Variants in HAPLN1 observed in about 807,000 individuals in gnomAD.
The protein encoded by HAPLN1 is hyaluronan and proteoglycan link protein 1.
A neutral mutation model predicts 36.5 loss-of-function variants in HAPLN1; 13 were observed. The observed-to-expected ratio is 0.36, with a 90% confidence interval of 0.23 to 0.57. The LOEUF (loss-of-function observed/expected upper bound fraction) is 0.57. Among genes scored for constraint, HAPLN1 ranks in the 20% least tolerant of loss-of-function variants. HAPLN1 has a pLI of 0.83. For synonymous variants in HAPLN1, 202 were observed against 169.8 expected, an observed-to-expected ratio of 1.19 and a Z score of -1.48; for missense variants, 407 against 439.7, an observed-to-expected ratio of 0.93 and a Z score of 0.66.
At chr5:83,717,953 C>A (rs1463938557) in intron 1 of HAPLN1, among the ~76,000 whole-genome samples, 1 of 152,122 alleles carries the variant, frequency 6.6e-6, no homozygotes, top group Non-Finnish European at 1.5e-5. Context: ...TGTGTGGTAA[C>A]CTTTTAAGCT....
intron 3 of HAPLN1, among the ~76,000 whole-genome samples, chr5:83,651,677 A>C (rs1750066895): frequency 6.6e-6 from 1 of 152,186 alleles, no homozygotes; most frequent in Non-Finnish European, 1.5e-5. Flanking sequence ...CATTCTCTCA[A>C]TGCTGCCAAA....
At chr5:83,720,575 A>G (rs1751996295) in intron 1 of HAPLN1, among the ~76,000 whole-genome samples, 1 of 152,248 alleles carries the variant, frequency 6.6e-6, no homozygotes, top group Non-Finnish European at 1.5e-5. Flanking sequence ...CCATTTTTAG[A>G]CTGAGCCTGT....
chr5:83,714,833 G>A (rs1751881161), intron 1 of HAPLN1, among the ~76,000 whole-genome samples: 1 of 152,220 alleles, frequency 6.6e-6, no homozygotes, highest in Admixed American at 6.5e-5. Context: ...CACAGTTGAA[G>A]CACTGTCATG....
rs1179742664 is a variant in HAPLN1 at position 83,641,728 on chromosome 5, G to A, written c.833C>T (p.Ala278Val). The change falls in exon 5 of 5, where the codon GCT (alanine) becomes GTT (valine). Residue 278 changes from alanine (A) to valine (V), a missense_variant. Ala to Val is a moderately conservative substitution (Grantham distance 64). Coordinates refer to ENST00000274341, the MANE Select transcript of HAPLN1 (RefSeq NM_001884.4). Reference sequence around the variant, plus strand: ...AATCTGAGCACCATCATTGAGACAAGCTTGCACCGCTTCATCATAGGTCAG... The same window carrying A: ...AATCTGAGCACCATCATTGAGACAAACTTGCACCGCTTCATCATAGGTCAG... Reference protein sequence around the residue: ...TKLTYDEAVQACLNDGAQIAK... With the variant: ...TKLTYDEAVQVCLNDGAQIAK... 3.7e-6 allele frequency: 6 copies of A among 1,614,046 alleles called. No individual in the cohort carries two copies. In the African/African-American group the frequency reaches 8.0e-5, roughly 22 times the overall value.
Position 83,690,707 on chromosome 5 carries a change from T to A in HAPLN1, c.-26-17158A>T, listed in dbSNP as rs149156504. 2.4e-3 allele frequency among the ~76,000 whole-genome samples: 358 copies of A among 152,058 alleles called. 3 individuals are homozygous for A. The highest frequency in any genetic ancestry group is 8.0e-3 in the African/African-American group (334 of 41,546). ...TTGCGCACCCCTGATTTTCTCTTCC[T>A]TAGGGAAAAAAATATCTGACATAAT... is the stretch of plus-strand genomic sequence containing the variant. On this transcript the variant is annotated intron_variant, in intron 1 of 4. Transcript: ENST00000274341.
chr5:83,707,444 T>C (rs1179452725), intron 1 of HAPLN1, among the ~76,000 whole-genome samples: 1 of 152,128 alleles, frequency 6.6e-6, no homozygotes, highest in Non-Finnish European at 1.5e-5. Flanking sequence ...CCTATGACCG[T>C]CTGATCTTTG....
intron 1 of HAPLN1, among the ~76,000 whole-genome samples, chr5:83,685,234 G>A (rs888003778): frequency 2.0e-5 from 3 of 152,194 alleles, no homozygotes; most frequent in Non-Finnish European, 2.9e-5. Context: ...TAGAATGCAA[G>A]CTCCAGGAGG....
rs1749800867 is a variant in HAPLN1 at position 83,644,604 on chromosome 5, C to T, written c.534G>A (p.Gln178=). The T allele has an allele frequency of 2.0e-6, 3 of 1,525,614 alleles. No individual in the cohort carries two copies. Among genetic ancestry groups the T allele is most frequent in the South Asian group, 2.5e-5 (2 of 78,742 alleles). The allele number at this position is 1,525,614 out of a possible 1,614,324, so 94.5% of individuals were successfully genotyped here. A position where few individuals can be genotyped will look rare whatever the true frequency, so the allele number is the denominator to read the frequency against. ...CAGCATCCTGGTCCAGACACGCCTGCTGCGCCTCGTGAAAATTGAGATTGT... is the reference window on the plus strand; with the variant it reads ...CAGCATCCTGGTCCAGACACGCCTGTTGCGCCTCGTGAAAATTGAGATTGT... ...GRYNLNFHEA[Q]QACLDQDAVI... The change falls in exon 4 of 5, where the codon CAG becomes CAA. Residue 178 remains glutamine (Q), a synonymous_variant. Transcript: ENST00000274341.
intron 1 of HAPLN1, among the ~76,000 whole-genome samples, chr5:83,689,284 C>G (rs2112617984): frequency 6.6e-6 from 1 of 152,220 alleles, no homozygotes; most frequent in East Asian, 1.9e-4. Context: ...TAAATAATGA[C>G]TGTTCTCCTT....
rs954399666 is a variant in HAPLN1, at chr5:83,639,839, C to T, written c.*1657G>A. On this transcript the variant is annotated 3_prime_UTR_variant, in exon 5 of 5. Transcript: ENST00000274341. ...GATATGTTTTTGATGAAAGAAAGGACCTACTTTTATTACAATATTTTGTCT... is the reference window on the plus strand; with the variant it reads ...GATATGTTTTTGATGAAAGAAAGGATCTACTTTTATTACAATATTTTGTCT... 6.6e-6 allele frequency: 1 copy of T among 151,966 alleles called. No homozygotes were observed. Among genetic ancestry groups the T allele is most frequent in the Non-Finnish European group, 1.5e-5 (1 of 67,924 alleles). The allele number at this position is 151,966 out of a possible 1,614,324, so 9.4% of individuals were successfully genotyped here.
intron 3 of HAPLN1, among the ~76,000 whole-genome samples, chr5:83,649,447 G>T (rs11954265): frequency 0.061 from 9,239 of 151,054 alleles, 690 homozygotes; most frequent in African/African-American, 0.18. Context: ...GTTTTTTTTT[G>T]TTTGTTTGTT....
At chr5:83,701,875 G>A (rs1256396123) in intron 1 of HAPLN1, among the ~76,000 whole-genome samples, 1 of 151,950 alleles carries the variant, frequency 6.6e-6, no homozygotes, top group Non-Finnish European at 1.5e-5. Flanking sequence ...GCGGTGAGCC[G>A]AGATCGCTCC....
At chr5:83,712,073 A>G (rs1047888427) in intron 1 of HAPLN1, among the ~76,000 whole-genome samples, 3 of 152,214 alleles carry the variant, frequency 2.0e-5, no homozygotes, top group African/African-American at 7.2e-5. Context: ...ATTAAATTAT[A>G]CAGCAATTTA....
At chr5:83,697,832 T>C (rs1285076624) in intron 1 of HAPLN1, among the ~76,000 whole-genome samples, 1 of 152,194 alleles carries the variant, frequency 6.6e-6, no homozygotes, top group Non-Finnish European at 1.5e-5. Flanking sequence ...CATTTGTACA[T>C]CTCTTTGGGA....
At chr5:83,715,241 G>A (rs1751892162) in intron 1 of HAPLN1, among the ~76,000 whole-genome samples, 1 of 152,210 alleles carries the variant, frequency 6.6e-6, no homozygotes, top group Non-Finnish European at 1.5e-5. Context: ...GTAAATGCAT[G>A]AGTGAAACTC....
rs1387918833 is a variant in HAPLN1, at chr5:83,640,851, A to C, written c.*645T>G. ...TTATTTATGTGTCATGCTTCATATA[A>C]ATGGGATTATTGAGGAGTTTTAACT... On this transcript the variant is annotated 3_prime_UTR_variant, in exon 5 of 5. Coordinates refer to ENST00000274341, the MANE Select transcript of HAPLN1 (RefSeq NM_001884.4). The C allele has an allele frequency of 6.6e-6, 1 of 152,100 alleles. No homozygotes were observed. Among genetic ancestry groups the C allele is most frequent in the Non-Finnish European group, 1.5e-5 (1 of 68,004 alleles). The allele number at this position is 152,100 out of a possible 1,614,324, so 9.4% of individuals were successfully genotyped here. A position where few individuals can be genotyped will look rare whatever the true frequency, so the allele number is the denominator to read the frequency against.
At chr5:83,667,634 T>C (rs1172513827) in intron 2 of HAPLN1, among the ~76,000 whole-genome samples, 1 of 152,158 alleles carries the variant, frequency 6.6e-6, no homozygotes, top group East Asian at 1.9e-4. Context: ...AAATAAGTTT[T>C]AGGTGGGAGA....
chr5:83,662,173 G>T (rs1229211451), intron 2 of HAPLN1, among the ~76,000 whole-genome samples: 3 of 152,194 alleles, frequency 2.0e-5, no homozygotes, highest in African/African-American at 7.2e-5. Flanking sequence ...AAAGTGCTGG[G>T]ATTACAGGCG....
chr5:83,650,639 T>A (rs867705715), intron 3 of HAPLN1, among the ~76,000 whole-genome samples: 1 of 147,842 alleles, frequency 6.8e-6, no homozygotes, highest in Non-Finnish European at 1.5e-5. Flanking sequence ...TTTCTTTTTT[T>A]TTTTTTTTTT....
Sources: gnomAD v4.1 joint callset for allele counts (sites outside exome capture counted in the v4.1 genomes callset) on GRCh38, gnomAD v4.1.1 for gene constraint, MANE v1.5 for transcripts, NCBI Gene and HGNC (gene_info 2026-07-23, HGNC 2026-07-21) for gene names.